The following ANTXRL variants were observed in gnomAD, a reference collection of about 807,000 sequenced individuals.
ANTXRL encodes the protein anthrax toxin receptor-like.
Under a neutral mutation model 75.4 loss-of-function variants are expected in ANTXRL, and 63 were observed. That is an observed-to-expected ratio of 0.84 (90% CI 0.68 to 1.03). The LOEUF is 1.03. ANTXRL is among the 50% of genes least tolerant of loss of function. The probability of loss-of-function intolerance (pLI) is 0.00; values close to 1 mark genes in which losing one functional copy is unlikely to be tolerated. For missense variants in ANTXRL, 797 were observed against 789.4 expected (o/e 1.01, Z -0.12); for synonymous variants, 335 against 291.3 (o/e 1.15, Z -1.53).
At position 46,298,070 on chromosome 10, in the gene ANTXRL, C is replaced by A. The variant is rs1554959548; in HGVS notation, c.796+8C>A. The A allele has an allele frequency of 6.5e-7, 1 of 1,533,478 alleles. No individual in the cohort carries two copies. The highest frequency in any genetic ancestry group is 1.4e-5 in the African/African-American group (1 of 72,890). 95.0% of individuals were successfully genotyped at this position (1,533,478 alleles called of 1,614,324 possible). On this transcript the variant is annotated splice_region_variant and intron_variant, in intron 9 of 16. Transcript: ENST00000620264. ...CCTCTGAGTGTGTAGGAGGTGAGAGCTGCGGAGGCCCTGGGGTAGCCAAAG... is the reference window on the plus strand; with the variant it reads ...CCTCTGAGTGTGTAGGAGGTGAGAGATGCGGAGGCCCTGGGGTAGCCAAAG...
At chr10:46,293,372 CTGTG>C (rs1345180326) in intron 2 of ANTXRL, among the ~76,000 whole-genome samples, 3 of 106,806 alleles carry the variant, frequency 2.8e-5, no homozygotes, top group African/African-American at 3.9e-5. Context: ...GTGAGTGTGC[CTGTG>C]TGTGAGTGTG....
At chr10:46,293,464 G>A (rs542594494) in intron 2 of ANTXRL, among the ~76,000 whole-genome samples, 246 of 32,372 alleles carry the variant, frequency 7.6e-3, no homozygotes, top group African/African-American at 0.016. Context: ...ATGTGTGAGT[G>A]TGTGTGTATG....
intron 9 of ANTXRL, among the ~76,000 whole-genome samples, chr10:46,300,910 A>G (rs144351317): frequency 0.026 from 3,933 of 152,190 alleles, 178 homozygotes; most frequent in African/African-American, 0.088. Context: ...AAAGGATTGT[A>G]CAATGAACAC....
rs782008205 is a variant in ANTXRL at position 46,306,804 on chromosome 10, T to A, written c.897T>A (p.Asp299Glu). The A allele has an allele frequency of 3.3e-6, 5 of 1,526,784 alleles. No individual in the cohort carries two copies. The South Asian group carries it at 6.1e-5, about 18-fold the overall frequency. 94.6% of individuals were successfully genotyped at this position (1,526,784 alleles called of 1,614,324 possible). A position where few individuals can be genotyped will look rare whatever the true frequency, so the allele number is the denominator to read the frequency against. ...TCTTCTCATGTCATTTTCTTTTAGA[T>A]GAAAAGCCAACCAGTATCGACAATA... ...RFIFNESTII[D>E]EKPTSIDNNS... Residue 299 changes from aspartate to glutamate, a missense_variant and splice_region_variant, in exon 11 of 17, where the codon GAT (aspartate) becomes GAA (glutamate). By Grantham distance (45) the Asp-to-Glu change is conservative. This residue lies in a region of ANTXRL where 479 missense variants were observed against 422.0 expected (regional missense o/e 1.14). Transcript: ENST00000620264.
Position 46,287,530 on chromosome 10 carries a change from C to T in ANTXRL, c.248+20C>T, listed in dbSNP as rs1836814309. On this transcript the variant is annotated intron_variant, in intron 1 of 16. Transcript: ENST00000620264. The stretch of plus-strand genomic sequence containing the variant: ...GGACAAGTGAGTGTCCCTTCTAGCT[C>T]TGGCCCTGGGTCACCCTCAGGAGCC... 6.5e-7 allele frequency: 1 copy of T among 1,529,878 alleles called. No homozygotes were observed. The highest frequency in any genetic ancestry group is 2.4e-5 in the East Asian group (1 of 40,840). The allele number at this position is 1,529,878 out of a possible 1,614,324, so 94.8% of individuals were successfully genotyped here.
intron 1 of ANTXRL, among the ~76,000 whole-genome samples, chr10:46,291,451 AT>A (rs1476012471): frequency 1.1e-4 from 16 of 148,342 alleles, no homozygotes; most frequent in African/African-American, 2.9e-4. Context: ...TCTAGTGCAA[AT>A]TTTTTTATTT....
chr10:46,324,399 T>C (rs978816672), intron 16 of ANTXRL, among the ~76,000 whole-genome samples: 3 of 152,166 alleles, frequency 2.0e-5, no homozygotes, highest in Non-Finnish European at 4.4e-5. Context: ...TAATAAAGTA[T>C]TTGAATTTTG....
intron 13 of ANTXRL, 36 bp from the exon 14 acceptor site, chr10:46,310,425 C>A: frequency 6.5e-7 from 1 of 1,534,670 alleles, no homozygotes; most frequent in South Asian, 1.2e-5. Context: ...CGCCCACCCC[C>A]ATCCAGCCTG....
At chr10:46,308,106 C>T (rs1201069327) in intron 12 of ANTXRL, among the ~76,000 whole-genome samples, 22 of 152,266 alleles carry the variant, frequency 1.4e-4, no homozygotes, top group African/African-American at 5.1e-4. Flanking sequence ...GCTGGAGGGA[C>T]GGGCGGGAGG....
intron 15 of ANTXRL, among the ~76,000 whole-genome samples, chr10:46,311,918 G>A: frequency 6.6e-6 from 1 of 151,226 alleles, no homozygotes; most frequent in Non-Finnish European, 1.5e-5. Context: ...CTCTCTAGAA[G>A]GATCCATGTT....
Position 46,298,531 on chromosome 10 carries a change from G to A in ANTXRL, c.796+469G>A, listed in dbSNP as rs561013693. On this transcript the variant is annotated intron_variant, in intron 9 of 16. Coordinates refer to ENST00000620264, the MANE Select transcript of ANTXRL (RefSeq NM_001278688.3). ...GGAGCATATATGCGTGTGTGTGTGTGGTGTATGTGCACTGTGTGTGTCTGG... is the reference window on the plus strand; with the variant it reads ...GGAGCATATATGCGTGTGTGTGTGTAGTGTATGTGCACTGTGTGTGTCTGG... Among the ~76,000 whole-genome samples, 12 of 151,696 alleles carry A rather than the reference G, an allele frequency of 7.9e-5. No homozygotes were observed. In the East Asian group the frequency reaches 2.3e-3, roughly 29 times the overall value.
chr10:46,313,928 T>C (rs1379891748), intron 16 of ANTXRL, among the ~76,000 whole-genome samples: 1 of 152,174 alleles, frequency 6.6e-6, no homozygotes, highest in Non-Finnish European at 1.5e-5. Flanking sequence ...TCTGCACTGC[T>C]CTCCTTTTGG....
At chr10:46,309,003 G>A (rs1838263962) in intron 12 of ANTXRL, 110 bp from the exon 13 acceptor site, 22 of 1,450,150 alleles carry the variant, frequency 1.5e-5, no homozygotes, top group South Asian at 2.6e-5. Flanking sequence ...TGTAGTACCC[G>A]GATGCGGGGC....
At chr10:46,302,694 C>T (rs1175242899) in intron 9 of ANTXRL, 28 bp from the exon 10 acceptor site, 2 of 1,502,298 alleles carry the variant, frequency 1.3e-6, no homozygotes, top group Non-Finnish European at 1.8e-6. Context: ...CTCTTCCTCA[C>T]TCAGCCTTTT....
chr10:46,311,135 G>C (rs1263708851), intron 14 of ANTXRL, among the ~76,000 whole-genome samples: 2 of 152,128 alleles, frequency 1.3e-5, no homozygotes, highest in Non-Finnish European at 2.9e-5. Flanking sequence ...GCCTGGGATG[G>C]GGTGGGAACA....
In ANTXRL at chr10:46,329,591, C is replaced by T; in HGVS notation, c.1411-8C>T. On this transcript the variant is annotated splice_region_variant and splice_polypyrimidine_tract_variant and intron_variant, in intron 16 of 16. Coordinates refer to ENST00000620264, the MANE Select transcript of ANTXRL (RefSeq NM_001278688.3). ...ACGGTGACCTTCTCTCTCTTCTCTT[C>T]CCTACAGGGGAGGTACCTCAGCTTA... 1.3e-6 allele frequency: 2 copies of T among 1,533,412 alleles called. No homozygotes were observed. Among genetic ancestry groups the T allele is most frequent in the Non-Finnish European group, 1.7e-6 (2 of 1,144,612 alleles). The allele number at this position is 1,533,412 out of a possible 1,614,324, so 95.0% of individuals were successfully genotyped here. A position where few individuals can be genotyped will look rare whatever the true frequency, so the allele number is the denominator to read the frequency against.
intron 2 of ANTXRL, among the ~76,000 whole-genome samples, chr10:46,293,303 T>TGTGA (rs140418509): frequency 0.31 from 22,948 of 73,566 alleles, 1,653 homozygotes; most frequent in Non-Finnish European, 0.4. Flanking sequence ...TGTGCCTGTG[T>TGTGA]GTGTGTGCGT....
In ANTXRL at chr10:46,296,224, T is replaced by A; in HGVS notation, c.480T>A (p.Ile160=). The change falls in exon 5 of 17, where the codon ATT becomes ATA. Residue 160 remains isoleucine (I), a synonymous_variant. Coordinates refer to ENST00000620264, the MANE Select transcript of ANTXRL (RefSeq NM_001278688.3). ...TFMQAGFRKA[I]QQIESFNSGN... is the part of the protein sequence containing the mutation. ...ATTTCTTCATTTTCTTGCAGGCAAT[T>A]CAACAGATCGAAAGTTTCAACTCCG... 1.3e-6 allele frequency: 2 copies of A among 1,535,842 alleles called. No homozygotes were observed. Among genetic ancestry groups the A allele is most frequent in the Non-Finnish European group, 1.7e-6 (2 of 1,146,734 alleles).
rs371682525 is a variant in ANTXRL, at chr10:46,327,866, C to T, written c.1411-1733C>T. On this transcript the variant is annotated intron_variant, in intron 16 of 16. Transcript: ENST00000620264. ...AGTACAGAAGGAGCAGAACAGGCCC[C>T]ACGCCAGGGAAACCACAAGCATTGA... Among the ~76,000 whole-genome samples, 3 of 152,240 alleles carry T rather than the reference C, an allele frequency of 2.0e-5. No individual in the cohort carries two copies. In the East Asian group the frequency reaches 5.8e-4, roughly 29 times the overall value.
Sources: allele counts gnomAD v4.1 joint callset (sites outside exome capture counted in the v4.1 genomes callset), GRCh38; gene constraint gnomAD v4.1.1; regional missense constraint gnomAD v4.1.1; transcripts MANE v1.5; gene names NCBI Gene and HGNC (gene_info 2026-07-23, HGNC 2026-07-21).